The following CEP164 variants were observed in gnomAD, a reference collection of about 807,000 sequenced individuals.
CEP164 encodes centrosomal protein of 164 kDa.
A neutral mutation model predicts 182.7 loss-of-function variants in CEP164; 162 were observed. That is an observed-to-expected ratio of 0.89 (90% confidence interval 0.78 to 1.01). The LOEUF is 1.01. Among genes scored for constraint, CEP164 ranks in the 50% least tolerant of loss-of-function variants. The pLI is 0.00. For missense variants in CEP164, 1,735 were observed against 1,790.4 expected (o/e 0.97, Z 0.56); for synonymous variants, 661 against 690.0 (o/e 0.96, Z 0.66).
In CEP164 at chr11:117,346,758, C is replaced by T. The variant is rs1253965951; in HGVS notation, c.194+2481C>T. Among the ~76,000 whole-genome samples the T allele has an allele frequency of 4.6e-5, 7 of 151,856 alleles. No homozygotes were observed. The East Asian group carries it at 7.8e-4, about 17-fold the overall frequency. On this transcript the variant is annotated intron_variant, in intron 4 of 32. Coordinates refer to ENST00000278935, the MANE Select transcript of CEP164 (RefSeq NM_014956.5). ...ATGCACCTTTAGTCCCAGCTACTTC[C>T]GAAGTTGAGTTAGGAGGATCGCTTT...
intron 28 of CEP164, 34 bp from the exon 29 acceptor site, chr11:117,408,856 G>C: frequency 6.2e-7 from 1 of 1,612,776 alleles, no homozygotes; most frequent in Non-Finnish European, 8.5e-7. Context: ...GCACGTGGGA[G>C]AGGTGGGTCA....
At chr11:117,410,437 A>G (rs902025251) in intron 30 of CEP164, 27 of 277,712 alleles carry the variant, frequency 9.7e-5, no homozygotes, top group African/African-American at 5.7e-4. Context: ...AGTATGCTCC[A>G]GGGTACCCAG....
chr11:117,345,063 C>T (rs1275761537), intron 4 of CEP164, among the ~76,000 whole-genome samples: 1 of 152,202 alleles, frequency 6.6e-6, no homozygotes, highest in Admixed American at 6.5e-5. Flanking sequence ...CTTGGGAACA[C>T]TTGGCTCTGC....
chr11:117,393,618 G>GA (rs889977553), intron 20 of CEP164, among the ~76,000 whole-genome samples: 1 of 152,206 alleles, frequency 6.6e-6, no homozygotes, highest in Non-Finnish European at 1.5e-5. Context: ...CCAATAAGTA[G>GA]AAGAGCTAGG....
At chr11:117,337,456 T>C (rs895636161) in intron 2 of CEP164, among the ~76,000 whole-genome samples, 1 of 148,302 alleles carries the variant, frequency 6.7e-6, no homozygotes, top group Non-Finnish European at 1.5e-5. Context: ...GGAGCATTGC[T>C]TGCACCCAGG....
chr11:117,371,581 G>T (rs1051046683), intron 9 of CEP164, 115 bp downstream of exon 9: 1 of 1,306,614 alleles, frequency 7.7e-7, no homozygotes, highest in East Asian at 2.4e-5. Flanking sequence ...CTTCATTTGC[G>T]TGTCCCTGCA....
chr11:117,344,281 A>T lies in CEP164; in HGVS notation c.194+4A>T. On this transcript the variant is annotated splice_donor_region_variant and intron_variant, in intron 4 of 32. Transcript: ENST00000278935. ...TGCCTGGAGAGTGGAAACCATGGTA[A>T]GTCAGCAGGGGGTGCGGCCACTGAC... is the stretch of plus-strand genomic sequence containing the variant. 1 of 1,604,944 alleles carries T rather than the reference A, an allele frequency of 6.2e-7. No individual in the cohort carries two copies. The highest frequency in any genetic ancestry group is 8.5e-7 in the Non-Finnish European group (1 of 1,173,176).
chr11:117,325,549 C>G (rs547296218), upstream of CEP164, among the ~76,000 whole-genome samples: 7 of 151,998 alleles, frequency 4.6e-5, no homozygotes, highest in Admixed American at 1.3e-4. Flanking sequence ...CCACAACCAG[C>G]TAACTTTTGT....
At chr11:117,361,347 T>G (rs2040945728) in intron 5 of CEP164, among the ~76,000 whole-genome samples, 1 of 149,886 alleles carries the variant, frequency 6.7e-6, no homozygotes, top group Non-Finnish European at 1.5e-5. Context: ...TTCAAGTGAT[T>G]CTCCTGCTTC....
At chr11:117,360,397 G>T (rs1247647895) in intron 5 of CEP164, among the ~76,000 whole-genome samples, 1 of 152,092 alleles carries the variant, frequency 6.6e-6, no homozygotes, top group Non-Finnish European at 1.5e-5. Context: ...CTGAGATAGG[G>T]TCTTGTTCTG....
At chr11:117,393,227 A>G (rs894389933) in intron 20 of CEP164, 101 bp downstream of exon 20, 1 of 1,480,598 alleles carries the variant, frequency 6.8e-7, no homozygotes, top group Non-Finnish European at 9.0e-7. Flanking sequence ...ACATGCACAC[A>G]CACCCCGGGG....
Position 117,381,771 on chromosome 11 carries a change from C to A in CEP164, c.1480C>A (p.Pro494Thr), listed in dbSNP as rs114396665. 1,971 of 1,603,380 alleles carry A rather than the reference C, an allele frequency of 1.2e-3. 22 individuals carry two copies. In the African/African-American group the frequency reaches 0.023, roughly 19 times the overall value. Residue 494 changes from proline (P) to threonine (T), a missense_variant, in exon 13 of 33, where the codon CCT (proline) becomes ACT (threonine). Physicochemically the swap from Pro to Thr is conservative, Grantham distance 38. Coordinates refer to ENST00000278935, the MANE Select transcript of CEP164 (RefSeq NM_014956.5). ...TCGCAGCCTGGCCACTGAAGAAGAG[C>A]CTCCCCAGGGCCCCGAGGGGCAGCC... ...PPRSLATEEE[P>T]PQGPEGQPEW...
upstream of CEP164, chr11:117,324,136 A>G (rs2035348203): frequency 5.7e-6 from 1 of 175,522 alleles, no homozygotes; most frequent in African/African-American, 2.4e-5. Flanking sequence ...CTCATTGGGT[A>G]TATTACTGGT....
At chr11:117,383,546 G>A (rs1471388501) in intron 14 of CEP164, among the ~76,000 whole-genome samples, 1 of 152,192 alleles carries the variant, frequency 6.6e-6, no homozygotes. Flanking sequence ...TTTTGTGCTT[G>A]TGTTCAAAGC....
intron 24 of CEP164, 37 bp from the exon 25 acceptor site, chr11:117,396,017 C>T (rs749597438): frequency 2.5e-6 from 4 of 1,613,036 alleles, no homozygotes; most frequent in East Asian, 2.2e-5. Context: ...CCATCGCCAG[C>T]CGCTGCCCTG....
chr11:117,403,573 G>A (rs935436565), intron 27 of CEP164, among the ~76,000 whole-genome samples: 2 of 152,220 alleles, frequency 1.3e-5, no homozygotes, highest in Admixed American at 6.5e-5. Context: ...CTTTCTCTCT[G>A]GCTGCCCTTA....
intron 11 of CEP164, among the ~76,000 whole-genome samples, chr11:117,378,752 T>C (rs2043008832): frequency 6.6e-6 from 1 of 152,198 alleles, no homozygotes; most frequent in South Asian, 2.1e-4. Context: ...CATCTGGGTA[T>C]TTCCCCGAGG....
intron 8 of CEP164, among the ~76,000 whole-genome samples, chr11:117,363,759 CT>C (rs72255760): frequency 0.013 from 770 of 58,396 alleles, 6 homozygotes; most frequent in Non-Finnish European, 0.017. Flanking sequence ...ACCTCCAATG[CT>C]TTTTTTTTTT....
At position 117,394,479 on chromosome 11, in the gene CEP164, C is replaced by T. The variant is rs1055666351; in HGVS notation, c.2746C>T (p.Arg916Trp). ...CAAGCGTCTTGAGGACTTGCGGCGC[C>T]GGCACAGGGAGCAGGTGAGGGGCCT... ...QHKRLEDLRR[R>W]HREQERKLQD... The change falls in exon 21 of 33, where the codon CGG (arginine) becomes TGG (tryptophan). Residue 916 changes from arginine to tryptophan, a missense_variant. Coordinates refer to ENST00000278935, the MANE Select transcript of CEP164 (RefSeq NM_014956.5). This position sits in a 1 kb window ranked among gnomAD's most constrained non-coding sequence, Gnocchi z 4.0. The T allele has an allele frequency of 1.8e-5, 29 of 1,613,766 alleles. No individual in the cohort carries two copies. The highest frequency in any genetic ancestry group is 2.2e-5 in the South Asian group (2 of 91,056).
Sources: allele counts gnomAD v4.1 joint callset (sites outside exome capture counted in the v4.1 genomes callset), GRCh38; gene constraint gnomAD v4.1.1; non-coding constraint Gnocchi (gnomAD v3.1); transcripts MANE v1.5; gene names NCBI Gene and HGNC (gene_info 2026-07-23, HGNC 2026-07-21).